Variants in PARP6 observed in about 807,000 individuals in gnomAD.
The protein encoded by PARP6 is poly(ADP-ribose) polymerase family member 6, also known as protein mono-ADP-ribosyltransferase PARP6.
In PARP6, 27 loss-of-function variants were observed where a neutral mutation model predicts 92.0. The ratio of observed to expected loss-of-function variants is 0.29; its 90% CI spans 0.22 to 0.40. The LOEUF (loss-of-function observed/expected upper bound fraction) is 0.40, where lower values mean the gene tolerates loss of function less well. Among genes scored for constraint, PARP6 ranks in the 10% least tolerant of loss-of-function variants. The pLI, the probability that PARP6 is intolerant of heterozygous loss-of-function variation, is 1.00. For synonymous variants in PARP6, 272 were observed against 281.2 expected (o/e 0.97, Z 0.33); for missense variants, 501 against 784.5 (o/e 0.64, Z 4.32).
chr15:72,251,109 T>C, intron 17 of PARP6, 98 bp downstream of exon 17: 4 of 989,370 alleles, frequency 4.0e-6, no homozygotes, highest in Non-Finnish European at 6.5e-6. Flanking sequence ...GACAGAGCAA[T>C]GTAGGCAGAT....
intron 8 of PARP6, 149 bp from the exon 9 acceptor site, chr15:72,261,856 A>G: frequency 1.4e-6 from 1 of 734,014 alleles, no homozygotes; most frequent in Admixed American, 2.6e-5. Context: ...CCTTTAAATG[A>G]CCTTAGTAAA....
chr15:72,255,211 C>T (rs1225758794), intron 14 of PARP6, among the ~76,000 whole-genome samples: 1 of 152,112 alleles, frequency 6.6e-6, no homozygotes, highest in Non-Finnish European at 1.5e-5. Flanking sequence ...GATGTTAAGC[C>T]TTCAGGCTTT....
intron 20 of PARP6, chr15:72,243,045 G>C: frequency 7.9e-6 from 2 of 251,928 alleles, no homozygotes; most frequent in East Asian, 1.8e-4. Context: ...CTGGGAAGAA[G>C]TAATAGGATA....
In PARP6 at chr15:72,242,144, G is replaced by A. The variant is rs1348748979; in HGVS notation, c.1705+13C>T. On this transcript the variant is annotated intron_variant, in intron 22 of 23. Transcript: ENST00000569795. This position sits in a 1 kb window ranked among gnomAD's most constrained non-coding sequence, Gnocchi z 4.3. ...AGAGACCCAGAAAAACAGGACATGG[G>A]CAAGCTACCTACCTTCACAAAGTGC... is the stretch of plus-strand genomic sequence containing the variant. The A allele has an allele frequency of 1.2e-6, 2 of 1,610,932 alleles. No homozygotes were observed. Among genetic ancestry groups the A allele is most frequent in the Non-Finnish European group, 1.7e-6 (2 of 1,177,098 alleles).
At chr15:72,262,603 T>C (rs771962566) in intron 8 of PARP6, among the ~76,000 whole-genome samples, 10 of 152,236 alleles carry the variant, frequency 6.6e-5, no homozygotes, top group African/African-American at 1.2e-4. Context: ...TCATTGTTTC[T>C]ATGTTGTTGC....
Position 72,242,477 on chromosome 15 carries a change from G to A in PARP6, c.1641+143C>T. ...CAGCTACATATGACTCCAGACGTGT[G>A]TTCACTTTAGAACATACCTGACTCC... On this transcript the variant is annotated intron_variant, in intron 21 of 23. Transcript: ENST00000569795. The surrounding 1 kb of genome is among the most constrained non-coding windows in gnomAD (Gnocchi z 4.3). 2.9e-6 allele frequency: 2 copies of A among 684,556 alleles called. 1 individual carries two copies. The highest frequency in any genetic ancestry group is 3.3e-5 in the South Asian group (2 of 60,622). The allele number at this position is 684,556 out of a possible 1,614,324, so 42.4% of individuals were successfully genotyped here. A position where few individuals can be genotyped will look rare whatever the true frequency, so the allele number is the denominator to read the frequency against.
At chr15:72,247,422 G>A (rs142941260) in intron 20 of PARP6, among the ~76,000 whole-genome samples, 2,089 of 151,662 alleles carry the variant, frequency 0.014, 29 homozygotes, top group African/African-American at 0.024. Flanking sequence ...ATCATCCCAC[G>A]TCAGCCTCCC....
At chr15:72,251,288 G>A (rs1596985715) in intron 16 of PARP6, 33 bp from the exon 17 acceptor site, 1 of 1,375,980 alleles carries the variant, frequency 7.3e-7, no homozygotes, top group Non-Finnish European at 1.0e-6. Context: ...AAAAAGGATA[G>A]AATAATTATG....
At position 72,267,597 on chromosome 15, in the gene PARP6, G is replaced by A; in HGVS notation, c.-120C>T. 9.4e-7 allele frequency: 1 copy of A among 1,063,184 alleles called. No individual in the cohort carries two copies. The highest frequency in any genetic ancestry group is 1.3e-5 in the South Asian group (1 of 77,362). The allele number at this position is 1,063,184 out of a possible 1,614,324, so 65.9% of individuals were successfully genotyped here. A position where few individuals can be genotyped will look rare whatever the true frequency, so the allele number is the denominator to read the frequency against. On this transcript the variant is annotated 5_prime_UTR_variant, in exon 3 of 24. Coordinates refer to ENST00000569795, the MANE Select transcript of PARP6 (RefSeq NM_001323532.2). Reference sequence around the variant, plus strand: ...AGACCACAAAGGGAGACAAGGTAGGGCACGATGTCAGGGACAACTGGTGAT... The same window carrying A: ...AGACCACAAAGGGAGACAAGGTAGGACACGATGTCAGGGACAACTGGTGAT...
rs2084645615 is a variant in PARP6 at position 72,253,509 on chromosome 15, A to T, written c.1192-5T>A. 3 of 1,612,346 alleles carry T rather than the reference A, an allele frequency of 1.9e-6. No homozygotes were observed. Among genetic ancestry groups the T allele is most frequent in the Non-Finnish European group, 2.5e-6 (3 of 1,178,598 alleles). On this transcript the variant is annotated splice_region_variant and splice_polypyrimidine_tract_variant and intron_variant, in intron 15 of 23. Coordinates refer to ENST00000569795, the MANE Select transcript of PARP6 (RefSeq NM_001323532.2). ...CTTGATTTCCAAATATGAGCCCTGT[A>T]AGACAATGGCCATAACGTTATCTCC...
rs536872859 is a variant in PARP6 at position 72,267,563 on chromosome 15, G to A, written c.-86C>T. The A allele has an allele frequency of 2.8e-6, 4 of 1,416,546 alleles. No individual in the cohort carries two copies. The East Asian group carries it at 6.8e-5, about 24-fold the overall frequency. 87.7% of individuals were successfully genotyped at this position (1,416,546 alleles called of 1,614,324 possible). A position where few individuals can be genotyped will look rare whatever the true frequency, so the allele number is the denominator to read the frequency against. The stretch of plus-strand genomic sequence containing the variant: ...AGCCGAACCAAGGCCAACGAGATGG[G>A]CATTTAGGAGACCACAAAGGGAGAC... On this transcript the variant is annotated 5_prime_UTR_variant, in exon 3 of 24. Transcript: ENST00000569795.
intron 8 of PARP6, 105 bp from the exon 9 acceptor site, chr15:72,261,812 C>T: frequency 9.1e-7 from 1 of 1,093,656 alleles, no homozygotes; most frequent in Non-Finnish European, 1.3e-6. Context: ...GACTGCAAAG[C>T]TAGTTGTGGT....
intron 10 of PARP6, among the ~76,000 whole-genome samples, chr15:72,260,100 T>C (rs1380118599): frequency 6.6e-6 from 1 of 152,146 alleles, no homozygotes; most frequent in Non-Finnish European, 1.5e-5. Context: ...GGAAGGCGGA[T>C]CACTTGAGCT....
In PARP6 at chr15:72,264,689, G is replaced by T. The variant is rs2086337750; in HGVS notation, c.329-68C>A. 12 of 1,221,160 alleles carry T rather than the reference G, an allele frequency of 9.8e-6. No individual in the cohort carries two copies. The East Asian group carries it at 2.8e-4, about 29-fold the overall frequency. The allele number at this position is 1,221,160 out of a possible 1,614,324, so 75.6% of individuals were successfully genotyped here. On this transcript the variant is annotated intron_variant, in intron 7 of 23. Transcript: ENST00000569795. ...GTCTTCCTGGAGTCCAAAGCTCAGT[G>T]GAATAGCTTCCATACATTCTAAAGA...
rs2086238515 is a variant in PARP6 at position 72,264,074 on chromosome 15, T to TCA, written c.395+479_395+480dup. Among the ~76,000 whole-genome samples, 5 of 151,744 alleles carry TCA rather than the reference T, an allele frequency of 3.3e-5. No individual in the cohort carries two copies. The South Asian group carries it at 1.0e-3, about 32-fold the overall frequency. The stretch of plus-strand genomic sequence containing the variant: ...ATCATCACCCTTTCAACAGACTGAG[T>TCA]CACTCTTCAGTGTCCTTTCTAAACC... On this transcript the variant is annotated intron_variant, in intron 8 of 23. Coordinates refer to ENST00000569795, the MANE Select transcript of PARP6 (RefSeq NM_001323532.2).
intron 19 of PARP6, 149 bp downstream of exon 19, chr15:72,249,871 C>T (rs1049616350): frequency 1.7e-6 from 1 of 603,340 alleles, no homozygotes; most frequent in East Asian, 2.8e-5. Flanking sequence ...TCTATTCATA[C>T]AGTTCTAACT....
intron 7 of PARP6, 47 bp from the exon 8 acceptor site, chr15:72,264,668 TC>T (rs754996082): frequency 1.4e-6 from 2 of 1,481,166 alleles, no homozygotes; most frequent in African/African-American, 1.4e-5. Flanking sequence ...TCTCTTGTCT[TC>T]CTGGAGTCCA....
At chr15:72,250,402 G>T in intron 18 of PARP6, 1 of 340,918 alleles carries the variant, frequency 2.9e-6, no homozygotes, top group Non-Finnish European at 5.5e-6. Context: ...AAATTCATCT[G>T]AAAATCAACA....
chr15:72,255,316 G>A (rs576016468), intron 14 of PARP6, among the ~76,000 whole-genome samples: 58 of 151,872 alleles, frequency 3.8e-4, no homozygotes, highest in Non-Finnish European at 6.9e-4. Flanking sequence ...GCAGTGGTGC[G>A]ATCCTGGCTC....
Sources: allele counts gnomAD v4.1 joint callset (sites outside exome capture counted in the v4.1 genomes callset), GRCh38; gene constraint gnomAD v4.1.1; non-coding constraint Gnocchi (gnomAD v3.1); transcripts MANE v1.5; gene names NCBI Gene and HGNC (gene_info 2026-07-23, HGNC 2026-07-21).